PXDNL: variants seen among roughly 807,000 people sequenced by gnomAD.
PXDNL encodes peroxidasin like, also known as probable oxidoreductase PXDNL.
A neutral mutation model predicts 150.8 loss-of-function variants in PXDNL; 145 were observed. The ratio of observed to expected loss-of-function variants is 0.96; its 90% CI spans 0.84 to 1.10. The LOEUF is 1.10. Ranked by LOEUF, PXDNL falls within the 50% of genes least tolerant of loss-of-function variation. The pLI is 0.00. For missense variants in PXDNL, 2,087 were observed against 1,873.9 expected (o/e 1.11, Z -2.10); for synonymous variants, 757 against 725.7 (o/e 1.04, Z -0.69).
chr8:51,787,028 T>C (rs529347084), intron 1 of PXDNL, among the ~76,000 whole-genome samples: 1 of 150,960 alleles, frequency 6.6e-6, no homozygotes, highest in Admixed American at 6.6e-5. Flanking sequence ...CAACAAAGCC[T>C]GGATGACAGC....
intron 1 of PXDNL, among the ~76,000 whole-genome samples, chr8:51,702,883 G>A (rs993102336): frequency 3.3e-5 from 5 of 152,112 alleles, no homozygotes; most frequent in Non-Finnish European, 7.3e-5. Context: ...TCCGGGGTCT[G>A]TTTTCTATTT....
chr8:51,444,387 T>C (rs1263463580), intron 12 of PXDNL, among the ~76,000 whole-genome samples: 8 of 152,090 alleles, frequency 5.3e-5, no homozygotes, highest in Non-Finnish European at 4.4e-5. Flanking sequence ...GAACACACTT[T>C]GAGAAGTACT....
intron 1 of PXDNL, among the ~76,000 whole-genome samples, chr8:51,726,518 G>A (rs1816820358): frequency 6.6e-6 from 1 of 152,192 alleles, no homozygotes; most frequent in African/African-American, 2.4e-5. Flanking sequence ...CAAACACACA[G>A]AAGATGAGGA....
chr8:51,441,965 C>T (rs113448243), intron 12 of PXDNL, among the ~76,000 whole-genome samples: 1,597 of 152,144 alleles, frequency 0.01, 30 homozygotes, highest in African/African-American at 0.037. Context: ...CCAAATAAGG[C>T]CACAAAGCAA....
chr8:51,404,122 C>T (rs189374528), intron 17 of PXDNL, among the ~76,000 whole-genome samples: 25 of 152,332 alleles, frequency 1.6e-4, no homozygotes, highest in Admixed American at 1.6e-3. Flanking sequence ...AATGAAGCTG[C>T]ATACCCTTGG....
intron 2 of PXDNL, among the ~76,000 whole-genome samples, chr8:51,636,021 A>G (rs890718819): frequency 1.3e-5 from 2 of 152,150 alleles, no homozygotes; most frequent in Admixed American, 1.3e-4. Context: ...AGTAGATTTA[A>G]CCTAAGAATG....
At chr8:51,553,631 A>G (rs1812538691) in intron 4 of PXDNL, among the ~76,000 whole-genome samples, 2 of 151,964 alleles carry the variant, frequency 1.3e-5, no homozygotes, top group South Asian at 4.1e-4. Context: ...CTCCTTTATT[A>G]CAGTGAATTG....
intron 1 of PXDNL, among the ~76,000 whole-genome samples, chr8:51,794,984 GAA>G (rs199935976): frequency 0.012 from 1,869 of 151,828 alleles, 29 homozygotes; most frequent in Middle Eastern, 0.045. Context: ...TGGAAAGTAG[GAA>G]AAAGCATCCT....
At chr8:51,450,898 C>G (rs2129953690) in intron 10 of PXDNL, among the ~76,000 whole-genome samples, 2 of 152,202 alleles carry the variant, frequency 1.3e-5, no homozygotes, top group Admixed American at 1.3e-4. Context: ...CAACCCCCAG[C>G]CTGATGTTCT....
chr8:51,513,466 T>C (rs946105637), intron 4 of PXDNL, among the ~76,000 whole-genome samples: 2 of 152,340 alleles, frequency 1.3e-5, no homozygotes, highest in East Asian at 1.9e-4. Flanking sequence ...TGCACACCAA[T>C]GCAACCTTAC....
At chr8:51,710,240 T>A (rs1422597356) in intron 1 of PXDNL, among the ~76,000 whole-genome samples, 2 of 152,240 alleles carry the variant, frequency 1.3e-5, no homozygotes. Flanking sequence ...ATCACTTTTA[T>A]AGAAGCAAAT....
chr8:51,343,370 G>T (rs140365096), intron 20 of PXDNL, among the ~76,000 whole-genome samples: 1 of 152,160 alleles, frequency 6.6e-6, no homozygotes, highest in African/African-American at 2.4e-5. Context: ...TTACTAAAGC[G>T]TGTGTTGTTA....
At chr8:51,483,572 A>G (rs1810651806) in intron 6 of PXDNL, 71 bp downstream of exon 6, 2 of 947,870 alleles carry the variant, frequency 2.1e-6, no homozygotes, top group African/African-American at 1.7e-5. Context: ...AAGGCAACCA[A>G]CCATTGTTTG....
At chr8:51,797,353 GTA>G (rs2037571640) in intron 1 of PXDNL, among the ~76,000 whole-genome samples, 1 of 152,152 alleles carries the variant, frequency 6.6e-6, no homozygotes, top group Non-Finnish European at 1.5e-5. Context: ...GAAATAAAGG[GTA>G]TTCAAACTGG....
At chr8:51,698,200 A>G (rs1816184632) in intron 1 of PXDNL, among the ~76,000 whole-genome samples, 1 of 152,226 alleles carries the variant, frequency 6.6e-6, no homozygotes, top group Non-Finnish European at 1.5e-5. Flanking sequence ...TGACTCTTTC[A>G]TGAAGAATTT....
intron 17 of PXDNL, among the ~76,000 whole-genome samples, chr8:51,386,427 A>G (rs1398257010): frequency 6.6e-6 from 1 of 152,150 alleles, no homozygotes; most frequent in Non-Finnish European, 1.5e-5. Context: ...TCACACCCCT[A>G]TGTCATGATA....
intron 4 of PXDNL, among the ~76,000 whole-genome samples, chr8:51,549,530 C>T (rs1025488313): frequency 5.9e-5 from 9 of 152,016 alleles, no homozygotes; most frequent in African/African-American, 9.7e-5. Context: ...CTAAAAGGAA[C>T]TCTCAAAAAT....
At chr8:51,327,396 T>C (rs1805546616) in intron 21 of PXDNL, among the ~76,000 whole-genome samples, 1 of 152,246 alleles carries the variant, frequency 6.6e-6, no homozygotes. Context: ...GTCTTTTCAC[T>C]GGGAGCTGTA....
chr8:51,736,182 G>C (rs1817034764), intron 1 of PXDNL, among the ~76,000 whole-genome samples: 1 of 152,168 alleles, frequency 6.6e-6, no homozygotes, highest in South Asian at 2.1e-4. Flanking sequence ...GCTCTGAGGA[G>C]AGGAACATAC....
Sources: gnomAD v4.1 joint callset for allele counts (sites outside exome capture counted in the v4.1 genomes callset) on GRCh38, gnomAD v4.1.1 for gene constraint, MANE v1.5 for transcripts, NCBI Gene and HGNC (gene_info 2026-07-23, HGNC 2026-07-21) for gene names.